SSBP2: variants seen among roughly 807,000 people sequenced by gnomAD.
SSBP2 encodes single stranded DNA binding protein 2.
In SSBP2, 17 loss-of-function variants were observed where a neutral mutation model predicts 61.8. The observed-to-expected ratio is 0.28, with a 90% confidence interval of 0.19 to 0.41. SSBP2 has a LOEUF of 0.41. Ranked by LOEUF, SSBP2 falls within the 10% of genes least tolerant of loss-of-function variation. The probability of loss-of-function intolerance (pLI) is 1.00; values close to 1 mark genes in which losing one functional copy is unlikely to be tolerated. For synonymous variants in SSBP2, 139 were observed against 141.3 expected (o/e 0.98, Z 0.12); for missense variants, 310 against 458.7 (o/e 0.68, Z 2.96).
chr5:81,470,172 C>A (rs1765158586), intron 8 of SSBP2, among the ~76,000 whole-genome samples: 1 of 151,664 alleles, frequency 6.6e-6, no homozygotes, highest in African/African-American at 2.4e-5. Flanking sequence ...CTTCTTTATC[C>A]TTCAGATTTC....
intron 4 of SSBP2, among the ~76,000 whole-genome samples, chr5:81,581,296 C>A (rs1450924586): frequency 6.6e-6 from 1 of 152,006 alleles, no homozygotes; most frequent in African/African-American, 2.4e-5. Context: ...ACTAAAGAGG[C>A]GACAGGATGG....
chr5:81,472,980 A>G (rs1765349524), intron 8 of SSBP2, among the ~76,000 whole-genome samples: 1 of 152,192 alleles, frequency 6.6e-6, no homozygotes, highest in South Asian at 2.1e-4. Context: ...TAGTAATTAT[A>G]ATATATTTCC....
intron 4 of SSBP2, among the ~76,000 whole-genome samples, chr5:81,602,869 C>G (rs75715911): frequency 0.011 from 1,730 of 152,188 alleles, 17 homozygotes; most frequent in Non-Finnish European, 0.019. Flanking sequence ...TTTGCTACCA[C>G]TAGATAACAG....
At chr5:81,476,673 G>A (rs141897593) in intron 6 of SSBP2, among the ~76,000 whole-genome samples, 3 of 152,190 alleles carry the variant, frequency 2.0e-5, no homozygotes, top group African/African-American at 7.2e-5. Context: ...CACAGTAATT[G>A]ATTACTTTTA....
At chr5:81,639,624 CAA>C (rs879913101) in intron 2 of SSBP2, among the ~76,000 whole-genome samples, 1 of 134,562 alleles carries the variant, frequency 7.4e-6, no homozygotes, top group Non-Finnish European at 1.6e-5. Context: ...AGAAAGATCT[CAA>C]AAAAAAAAAA....
At chr5:81,534,723 C>T (rs1345811943) in intron 4 of SSBP2, among the ~76,000 whole-genome samples, 1 of 151,788 alleles carries the variant, frequency 6.6e-6, no homozygotes, top group African/African-American at 2.4e-5. Context: ...GGAACAACTA[C>T]AAAAAGTGTA....
At chr5:81,485,338 C>T (rs1766302416) in intron 6 of SSBP2, among the ~76,000 whole-genome samples, 1 of 152,102 alleles carries the variant, frequency 6.6e-6, no homozygotes, top group Non-Finnish European at 1.5e-5. Context: ...TATATTTTTA[C>T]AACATAGTGA....
intron 4 of SSBP2, among the ~76,000 whole-genome samples, chr5:81,543,422 T>C (rs1306912985): frequency 1.3e-5 from 2 of 152,162 alleles, no homozygotes; most frequent in Non-Finnish European, 2.9e-5. Context: ...AAATATCACA[T>C]GTTCTCACTC....
chr5:81,709,060 A>G (rs1306911472), intron 1 of SSBP2, among the ~76,000 whole-genome samples: 1 of 152,036 alleles, frequency 6.6e-6, no homozygotes, highest in Non-Finnish European at 1.5e-5. Flanking sequence ...GTAAGCATGA[A>G]ATAGTGAAAA....
chr5:81,625,899 AAGAC>A (rs1447013333), intron 3 of SSBP2, among the ~76,000 whole-genome samples: 1 of 152,226 alleles, frequency 6.6e-6, no homozygotes, highest in Admixed American at 6.5e-5. Flanking sequence ...AATTTTTTAA[AAGAC>A]AGAACAAAAC....
chr5:81,544,272 C>T (rs1370414180), intron 4 of SSBP2, among the ~76,000 whole-genome samples: 3 of 152,170 alleles, frequency 2.0e-5, no homozygotes, highest in Non-Finnish European at 2.9e-5. Context: ...TGGTCTTCAA[C>T]TCCTGACCTC....
At chr5:81,694,083 C>CA (rs1378557268) in intron 1 of SSBP2, among the ~76,000 whole-genome samples, 3 of 152,136 alleles carry the variant, frequency 2.0e-5, no homozygotes, top group Non-Finnish European at 4.4e-5. Flanking sequence ...CACAGAAAGA[C>CA]AAACTTTGCA....
intron 4 of SSBP2, among the ~76,000 whole-genome samples, chr5:81,579,779 T>C (rs1308785099): frequency 1.3e-5 from 2 of 152,094 alleles, no homozygotes; most frequent in Non-Finnish European, 2.9e-5. Context: ...TACTACCTAG[T>C]GAATGAGTAC....
At position 81,499,738 on chromosome 5, in the gene SSBP2, A is replaced by G. The variant is rs561533791; in HGVS notation, c.373-10429T>C. ...TAAAATATTAGGCTGACTTAATCAA[A>G]AAGATGCTAAAACAATAATTTTTAA... On this transcript the variant is annotated intron_variant, in intron 5 of 16. Coordinates refer to ENST00000320672, the MANE Select transcript of SSBP2 (RefSeq NM_012446.5). Among the ~76,000 whole-genome samples the G allele has an allele frequency of 2.7e-3, 411 of 152,338 alleles. 1 individual carries two copies. Among genetic ancestry groups the G allele is most frequent in the Non-Finnish European group, 4.0e-3 (269 of 68,026 alleles).
At chr5:81,599,226 T>C (rs1378169639) in intron 4 of SSBP2, among the ~76,000 whole-genome samples, 1 of 152,196 alleles carries the variant, frequency 6.6e-6, no homozygotes, top group Non-Finnish European at 1.5e-5. Context: ...AAGCTAAGGA[T>C]GTTAACCAAT....
intron 1 of SSBP2, among the ~76,000 whole-genome samples, chr5:81,715,984 G>A (rs896184349): frequency 5.9e-5 from 9 of 152,026 alleles, no homozygotes; most frequent in African/African-American, 2.2e-4. Flanking sequence ...CTGTGCCCAG[G>A]AGGTGGAGGT....
chr5:81,427,264 C>T (rs1452094177), intron 16 of SSBP2, among the ~76,000 whole-genome samples: 2 of 152,100 alleles, frequency 1.3e-5, no homozygotes, highest in African/African-American at 4.8e-5. Context: ...TAATCTTAAG[C>T]ATTATGACTT....
At chr5:81,656,735 A>AG (rs1269616573) in intron 1 of SSBP2, among the ~76,000 whole-genome samples, 1 of 152,106 alleles carries the variant, frequency 6.6e-6, no homozygotes, top group African/African-American at 2.4e-5. Flanking sequence ...CCAAAAAAAA[A>AG]AAAAACTGTT....
chr5:81,420,445 G>A lies in SSBP2; in HGVS notation c.*59C>T, dbSNP rs1311390490. ...ACACTGTGATGAATAATTTTCTTCC[G>A]TAGTAGTTCTGTGAAGGGCTGACTC... On this transcript the variant is annotated 3_prime_UTR_variant, in exon 17 of 17. Transcript: ENST00000320672. The A allele has an allele frequency of 1.1e-5, 17 of 1,512,808 alleles. No individual in the cohort carries two copies. The highest frequency in any genetic ancestry group is 1.5e-5 in the Non-Finnish European group (16 of 1,088,502). 93.7% of individuals were successfully genotyped at this position (1,512,808 alleles called of 1,614,324 possible).
Sources: allele counts gnomAD v4.1 joint callset (sites outside exome capture counted in the v4.1 genomes callset), GRCh38; gene constraint gnomAD v4.1.1; transcripts MANE v1.5; gene names NCBI Gene and HGNC (gene_info 2026-07-23, HGNC 2026-07-21).